The following MAP2 variants were observed in gnomAD, a reference collection of about 807,000 sequenced individuals.
MAP2 encodes microtubule associated protein 2.
A neutral mutation model predicts 137.6 loss-of-function variants in MAP2; 14 were observed. The observed-to-expected ratio is 0.10, with a 90% CI of 0.07 to 0.16. The LOEUF (loss-of-function observed/expected upper bound fraction) is 0.16, where lower values mean the gene tolerates loss of function less well. MAP2 is among the 10% of genes least tolerant of loss of function. MAP2 has a pLI of 1.00. For synonymous variants in MAP2, 786 were observed against 782.3 expected (o/e 1.00, Z -0.08); for missense variants, 2,088 against 2,191.5 (o/e 0.95, Z 0.94).
At chr2:209,610,803 T>C (rs2086583096) in intron 3 of MAP2, among the ~76,000 whole-genome samples, 2 of 152,170 alleles carry the variant, frequency 1.3e-5, no homozygotes, top group Non-Finnish European at 2.9e-5. Flanking sequence ...ACAGAAACCA[T>C]TCTCTAAATT....
intron 1 of MAP2, among the ~76,000 whole-genome samples, chr2:209,440,160 T>A (rs1441226126): frequency 6.6e-6 from 1 of 151,534 alleles, no homozygotes; most frequent in African/African-American, 2.4e-5. Flanking sequence ...TTTGCAATAT[T>A]TCATTCTCTT....
At chr2:209,528,374 C>G (rs1279880546) in intron 2 of MAP2, among the ~76,000 whole-genome samples, 2 of 152,080 alleles carry the variant, frequency 1.3e-5, no homozygotes, top group Non-Finnish European at 2.9e-5. Flanking sequence ...CTTGGAAATT[C>G]TATGTAATTC....
chr2:209,669,898 T>C (rs1032908331), intron 5 of MAP2, among the ~76,000 whole-genome samples: 2 of 152,032 alleles, frequency 1.3e-5, no homozygotes, highest in African/African-American at 4.8e-5. Context: ...GGTCTCTTTG[T>C]TTTATTGATA....
At chr2:209,716,662 G>A (rs972840651) in intron 13 of MAP2, among the ~76,000 whole-genome samples, 18 of 152,168 alleles carry the variant, frequency 1.2e-4, no homozygotes, top group Admixed American at 2.0e-4. Context: ...AAAGAATATT[G>A]AACTAGGATT....
chr2:209,675,155 C>T (rs1187947618), intron 5 of MAP2, among the ~76,000 whole-genome samples: 1 of 151,780 alleles, frequency 6.6e-6, no homozygotes, highest in African/African-American at 2.4e-5. Flanking sequence ...AAGCCAATAA[C>T]TTTGACTATG....
chr2:209,429,376 T>G (rs2149264739), intron 1 of MAP2, among the ~76,000 whole-genome samples: 1 of 118,740 alleles, frequency 8.4e-6, no homozygotes. Context: ...AAAACATGGT[T>G]CAACTAGTTT....
chr2:209,713,054 C>T (rs1354432118), intron 13 of MAP2, among the ~76,000 whole-genome samples: 2 of 152,092 alleles, frequency 1.3e-5, no homozygotes, highest in African/African-American at 2.4e-5. Flanking sequence ...GAAAAATATT[C>T]ATGTAATTCT....
intron 2 of MAP2, among the ~76,000 whole-genome samples, chr2:209,511,412 T>C (rs2061702566): frequency 6.6e-6 from 1 of 152,146 alleles, no homozygotes; most frequent in Non-Finnish European, 1.5e-5. Flanking sequence ...AAGGGATACA[T>C]TGCTTAACAC....
intron 4 of MAP2, among the ~76,000 whole-genome samples, chr2:209,633,264 A>G (rs2093267110): frequency 6.6e-6 from 1 of 152,136 alleles, no homozygotes; most frequent in Admixed American, 6.6e-5. Context: ...TTCAAATGCC[A>G]TTCCTTCTAT....
Position 209,653,415 on chromosome 2 carries a change from C to G in MAP2, c.245C>G (p.Ala82Gly), listed in dbSNP as rs2271251. 3.2e-4 allele frequency: 516 copies of G among 1,602,258 alleles called. 4 individuals carry two copies. In the East Asian group the frequency reaches 9.9e-3, roughly 31 times the overall value. ...ENGINGELTSADRETAEEVSA... is the reference protein window; with the variant it reads ...ENGINGELTSGDRETAEEVSA... ...GGGATCAACGGAGAGCTGACCTCAG[C>G]TGACAGAGAAACAGCAGGTAACTAA... The change falls in exon 5 of 16, where the codon GCT becomes GGT. Residue 82 changes from alanine to glycine, a missense_variant. Coordinates refer to ENST00000682079, the MANE Select transcript of MAP2 (RefSeq NM_001375505.1).
chr2:209,447,323 T>C (rs1018321650), intron 1 of MAP2, among the ~76,000 whole-genome samples: 1 of 151,972 alleles, frequency 6.6e-6, no homozygotes, highest in Non-Finnish European at 1.5e-5. Context: ...CTACCAAATA[T>C]TATCCTACCT....
At chr2:209,510,538 T>C (rs1326545162) in intron 2 of MAP2, among the ~76,000 whole-genome samples, 1 of 152,074 alleles carries the variant, frequency 6.6e-6, no homozygotes, top group Non-Finnish European at 1.5e-5. Context: ...TTCCCCAAAA[T>C]TATATACCAA....
intron 5 of MAP2, among the ~76,000 whole-genome samples, chr2:209,676,126 A>G (rs556113698): frequency 2.0e-3 from 309 of 151,998 alleles, no homozygotes; most frequent in Admixed American, 4.5e-3. Context: ...TAGCAAAGAC[A>G]TAGAATCAAC....
At chr2:209,508,294 A>C (rs1301195474) in intron 2 of MAP2, among the ~76,000 whole-genome samples, 2 of 151,480 alleles carry the variant, frequency 1.3e-5, no homozygotes, top group Non-Finnish European at 2.9e-5. Flanking sequence ...AAAAAACACT[A>C]AACACTGAAT....
chr2:209,707,007 A>G (rs2063639956), intron 12 of MAP2, among the ~76,000 whole-genome samples: 1 of 152,168 alleles, frequency 6.6e-6, no homozygotes, highest in Non-Finnish European at 1.5e-5. Flanking sequence ...TTTAAGATTT[A>G]GTACTCTCCA....
chr2:209,468,619 C>T (rs1248753578), intron 1 of MAP2, among the ~76,000 whole-genome samples: 1 of 152,072 alleles, frequency 6.6e-6, no homozygotes, highest in Admixed American at 6.5e-5. Flanking sequence ...CGCGCCCGGC[C>T]TCAGTTTAGT....
At chr2:209,533,271 A>G (rs554736453) in intron 2 of MAP2, among the ~76,000 whole-genome samples, 27 of 152,008 alleles carry the variant, frequency 1.8e-4, no homozygotes, top group African/African-American at 6.5e-4. Context: ...GAGCCTCCCA[A>G]GTAGCTGGGA....
At chr2:209,426,352 T>C (rs1692575987) in intron 1 of MAP2, among the ~76,000 whole-genome samples, 1 of 152,162 alleles carries the variant, frequency 6.6e-6, no homozygotes, top group Admixed American at 6.5e-5. Context: ...TTATTTTATT[T>C]ATCTCCTCTC....
In MAP2 at chr2:209,710,365, G is replaced by A. The variant is rs527658098; in HGVS notation, c.5073+111G>A. The A allele has an allele frequency of 2.4e-5, 23 of 955,194 alleles. No homozygotes were observed. The African/African-American group carries it at 3.3e-4, about 14-fold the overall frequency. The allele number at this position is 955,194 out of a possible 1,614,324, so 59.2% of individuals were successfully genotyped here. A position where few individuals can be genotyped will look rare whatever the true frequency, so the allele number is the denominator to read the frequency against. On this transcript the variant is annotated intron_variant, in intron 13 of 15. Transcript: ENST00000682079. ...GGAAGCAGAGGTGTTAAAGAGCTTGGTTACAATTTATTGCTAAGAGTTTGG... is the reference window on the plus strand; with the variant it reads ...GGAAGCAGAGGTGTTAAAGAGCTTGATTACAATTTATTGCTAAGAGTTTGG...
Sources: allele counts gnomAD v4.1 joint callset (sites outside exome capture counted in the v4.1 genomes callset), GRCh38; gene constraint gnomAD v4.1.1; transcripts MANE v1.5; gene names NCBI Gene and HGNC (gene_info 2026-07-23, HGNC 2026-07-21).